The following SEPTIN9 variants were observed in gnomAD, a reference collection of about 807,000 sequenced individuals.
The protein encoded by SEPTIN9 is septin 9.
A neutral mutation model predicts 56.6 loss-of-function variants in SEPTIN9; 13 were observed. The observed-to-expected ratio is 0.23, with a 90% CI of 0.15 to 0.37. SEPTIN9 has a LOEUF of 0.37. Among genes scored for constraint, SEPTIN9 ranks in the 10% least tolerant of loss-of-function variants. The pLI is 1.00. For missense variants in SEPTIN9, 650 were observed against 823.1 expected (o/e 0.79, Z 2.57); for synonymous variants, 332 against 334.1 (o/e 0.99, Z 0.07).
chr17:77,431,177 C>A (rs938846290), intron 3 of SEPTIN9, among the ~76,000 whole-genome samples: 2 of 152,042 alleles, frequency 1.3e-5, no homozygotes, highest in Admixed American at 6.6e-5. Context: ...GGGGTAGTGG[C>A]GCTTGCCTGT....
rs560350315 is a variant in SEPTIN9 at position 77,440,599 on chromosome 17, A to G, written c.721+37896A>G. Reference sequence around the variant, plus strand: ...CCAATTCAGAGCGGCCTGCGTCCCAAGCGGACAGCTGCTCCCTTCCTCTTG... The same window carrying G: ...CCAATTCAGAGCGGCCTGCGTCCCAGGCGGACAGCTGCTCCCTTCCTCTTG... On this transcript the variant is annotated intron_variant, in intron 3 of 11. Coordinates refer to ENST00000427177, the MANE Select transcript of SEPTIN9 (RefSeq NM_001113491.2). 5.3e-5 allele frequency among the ~76,000 whole-genome samples: 8 copies of G among 152,290 alleles called. No homozygotes were observed. In the East Asian group the frequency reaches 1.5e-3, roughly 29 times the overall value.
intron 2 of SEPTIN9, among the ~76,000 whole-genome samples, chr17:77,336,147 A>G (rs774096306): frequency 1.3e-5 from 2 of 152,152 alleles, no homozygotes; most frequent in Non-Finnish European, 2.9e-5. Context: ...CATCTTGATT[A>G]ATGTGGCTTT....
Position 77,475,129 on chromosome 17 carries a change from C to T in SEPTIN9, c.722-7015C>T. The T allele has an allele frequency of 1.3e-6, 1 of 790,288 alleles. No homozygotes were observed. The highest frequency in any genetic ancestry group is 5.2e-5 in the East Asian group (1 of 19,238). 49.0% of individuals were successfully genotyped at this position (790,288 alleles called of 1,614,324 possible). A position where few individuals can be genotyped will look rare whatever the true frequency, so the allele number is the denominator to read the frequency against. ...TTTTTGCCGGGGCTTGCCGTGAGCC[C>T]TACGCTGCTCTGAAGAAAGCCGGGC... On this transcript the variant is annotated intron_variant, in intron 3 of 11. Transcript: ENST00000427177. The surrounding 1 kb of genome is among the most constrained non-coding windows in gnomAD (Gnocchi z 4.6).
In SEPTIN9 at chr17:77,318,948, A is replaced by G. The variant is rs908307049; in HGVS notation, c.76+11751A>G. Among the ~76,000 whole-genome samples the G allele has an allele frequency of 6.6e-6, 1 of 152,178 alleles. No individual in the cohort carries two copies. The highest frequency in any genetic ancestry group is 1.5e-5 in the Non-Finnish European group (1 of 68,036). On this transcript the variant is annotated intron_variant, in intron 2 of 11. Coordinates refer to ENST00000427177, the MANE Select transcript of SEPTIN9 (RefSeq NM_001113491.2). This position sits in a 1 kb window ranked among gnomAD's most constrained non-coding sequence, Gnocchi z 4.9. ...TTGGGGGCCTTGGGGAGCAGCACAG[A>G]CTGAAAAGTGTTTTGTCTGAAGAGC...
chr17:77,392,095 T>A (rs2144040165), intron 2 of SEPTIN9, among the ~76,000 whole-genome samples: 1 of 152,304 alleles, frequency 6.6e-6, no homozygotes, highest in Non-Finnish European at 1.5e-5. Context: ...GGAGGAGGCT[T>A]GTTTATTTCT....
At chr17:77,406,938 A>G (rs1489404808) in intron 3 of SEPTIN9, among the ~76,000 whole-genome samples, 1 of 151,980 alleles carries the variant, frequency 6.6e-6, no homozygotes, top group Non-Finnish European at 1.5e-5. Flanking sequence ...CTGACCTCCC[A>G]AAGTGCTGGG....
intron 1 of SEPTIN9, among the ~76,000 whole-genome samples, chr17:77,306,378 G>T (rs562035597): frequency 2.1e-3 from 317 of 152,308 alleles, no homozygotes; most frequent in African/African-American, 7.3e-3. Flanking sequence ...GTGGCCGCCT[G>T]TGCTCCCAGG....
At chr17:77,364,369 A>C (rs1018500654) in intron 2 of SEPTIN9, among the ~76,000 whole-genome samples, 13 of 152,292 alleles carry the variant, frequency 8.5e-5, no homozygotes, top group African/African-American at 3.1e-4. Flanking sequence ...TTAATGGGGT[A>C]TATTTGGTGA....
chr17:77,485,100 TGTG>T (rs1257144912), intron 4 of SEPTIN9, among the ~76,000 whole-genome samples: 2 of 2,784 alleles, frequency 7.2e-4, no homozygotes, highest in Non-Finnish European at 1.8e-3. Context: ...TGGTGGTGAT[TGTG>T]GTGATGTGGG....
chr17:77,401,974 C>T, intron 2 of SEPTIN9, 85 bp from the exon 3 acceptor site: 1 of 1,437,538 alleles, frequency 7.0e-7, no homozygotes, highest in Middle Eastern at 1.8e-4. Flanking sequence ...CGCCTGCCTT[C>T]CTCTGCTGCT....
rs2034072272 is a variant in SEPTIN9, at chr17:77,351,756, A to G, written c.76+44559A>G. Among the ~76,000 whole-genome samples, 4 of 152,332 alleles carry G rather than the reference A, an allele frequency of 2.6e-5. 1 individual carries two copies. Among genetic ancestry groups the G allele is most frequent in the East Asian group, 1.9e-4 (1 of 5,174 alleles). On this transcript the variant is annotated intron_variant, in intron 2 of 11. Coordinates refer to ENST00000427177, the MANE Select transcript of SEPTIN9 (RefSeq NM_001113491.2). ...GATGAAGTCAGCTGGGAAATCTGTG[A>G]AATAAAGCACAGGTCCCCCAGGCTT...
Position 77,451,653 on chromosome 17 carries a change from C to A in SEPTIN9, c.722-30491C>A. ...TGCCGGGAGCCACGCTGTCCCTGGG[C>A]CCCGGCCCGAGGCCGGCAGGACCGA... On this transcript the variant is annotated intron_variant, in intron 3 of 11. Coordinates refer to ENST00000427177, the MANE Select transcript of SEPTIN9 (RefSeq NM_001113491.2). This position sits in a 1 kb window ranked among gnomAD's most constrained non-coding sequence, Gnocchi z 4.2. 1.3e-6 allele frequency: 1 copy of A among 757,204 alleles called. No individual in the cohort carries two copies. Among genetic ancestry groups the A allele is most frequent in the Non-Finnish European group, 1.6e-6 (1 of 621,276 alleles). 46.9% of individuals were successfully genotyped at this position (757,204 alleles called of 1,614,324 possible). A position where few individuals can be genotyped will look rare whatever the true frequency, so the allele number is the denominator to read the frequency against.
At chr17:77,378,670 G>A (rs960921293) in intron 2 of SEPTIN9, among the ~76,000 whole-genome samples, 39 of 152,308 alleles carry the variant, frequency 2.6e-4, no homozygotes, top group African/African-American at 9.4e-4. Flanking sequence ...AGACACTAGT[G>A]CCAGTAGCGC....
At chr17:77,328,757 G>T (rs1423853930) in intron 2 of SEPTIN9, among the ~76,000 whole-genome samples, 1 of 152,244 alleles carries the variant, frequency 6.6e-6, no homozygotes, top group East Asian at 1.9e-4. Flanking sequence ...ACAGTCGCTG[G>T]TCGCTTGTTA....
chr17:77,464,143 G>A (rs1029736523), intron 3 of SEPTIN9, among the ~76,000 whole-genome samples: 12 of 152,000 alleles, frequency 7.9e-5, no homozygotes, highest in South Asian at 2.1e-4. Context: ...GCACGATCTC[G>A]GCTTACTGCA....
intron 2 of SEPTIN9, among the ~76,000 whole-genome samples, chr17:77,395,946 TG>T (rs1378690228): frequency 6.6e-6 from 1 of 152,264 alleles, no homozygotes; most frequent in African/African-American, 2.4e-5. Context: ...ATTATTTCCT[TG>T]GGATAAATTC....
At chr17:77,354,782 G>T (rs898075509) in intron 2 of SEPTIN9, among the ~76,000 whole-genome samples, 1 of 152,032 alleles carries the variant, frequency 6.6e-6, no homozygotes, top group Admixed American at 6.6e-5. Context: ...AGTGGAGGGC[G>T]GTGCAATCGT....
chr17:77,464,696 G>A (rs2038633357), intron 3 of SEPTIN9, among the ~76,000 whole-genome samples: 1 of 151,744 alleles, frequency 6.6e-6, no homozygotes, highest in Non-Finnish European at 1.5e-5. Context: ...CGCCTCCCAG[G>A]TTCACGCCAT....
chr17:77,473,629 G>A (rs1217643179), intron 3 of SEPTIN9, among the ~76,000 whole-genome samples: 1 of 152,172 alleles, frequency 6.6e-6, no homozygotes, highest in Non-Finnish European at 1.5e-5. Context: ...TTCACCAGAG[G>A]TTTGTGGCAC....
Sources: allele counts gnomAD v4.1 joint callset (sites outside exome capture counted in the v4.1 genomes callset), GRCh38; gene constraint gnomAD v4.1.1; non-coding constraint Gnocchi (gnomAD v3.1); transcripts MANE v1.5; gene names NCBI Gene and HGNC (gene_info 2026-07-23, HGNC 2026-07-21).